The following COL4A4 variants were observed in gnomAD, a reference collection of about 807,000 sequenced individuals.
The protein encoded by COL4A4 is collagen type IV alpha 4 chain, also known as collagen alpha-4(IV) chain.
In COL4A4, 105 loss-of-function variants were observed where a neutral mutation model predicts 192.9. The ratio of observed to expected loss-of-function variants is 0.54; its 90% CI spans 0.46 to 0.64. The LOEUF (loss-of-function observed/expected upper bound fraction) is 0.64, where lower values mean the gene tolerates loss of function less well. COL4A4 is among the 30% of genes least tolerant of loss of function. The pLI is 0.00. For missense variants in COL4A4, 1,967 were observed against 2,169.3 expected, an observed-to-expected ratio of 0.91 and a Z score of 1.85; for synonymous variants, 762 against 769.9, an observed-to-expected ratio of 0.99 and a Z score of 0.17.
chr2:227,106,891 T>A (rs2150847014), intron 12 of COL4A4, among the ~76,000 whole-genome samples: 1 of 152,358 alleles, frequency 6.6e-6, no homozygotes, highest in East Asian at 1.9e-4. Flanking sequence ...ATGTGTTCAT[T>A]CACCTGACAA....
At chr2:227,095,906 A>G (rs1472322364) in intron 19 of COL4A4, among the ~76,000 whole-genome samples, 1 of 152,086 alleles carries the variant, frequency 6.6e-6, no homozygotes, top group Non-Finnish European at 1.5e-5. Flanking sequence ...TCCATCTCAA[A>G]AAGAAACAAA....
At chr2:227,084,824 CCAG>C (rs1323006767) in intron 22 of COL4A4, among the ~76,000 whole-genome samples, 2 of 152,032 alleles carry the variant, frequency 1.3e-5, no homozygotes, top group Non-Finnish European at 2.9e-5. Flanking sequence ...CAACGGAAGC[CCAG>C]CAGCAACAAA....
chr2:227,036,732 C>T (rs1024728212), intron 37 of COL4A4, among the ~76,000 whole-genome samples: 2 of 151,948 alleles, frequency 1.3e-5, no homozygotes, highest in Non-Finnish European at 2.9e-5. Flanking sequence ...CCTGACTTGA[C>T]AGAACAAACA....
chr2:227,129,367 G>C (rs898156052), intron 4 of COL4A4, among the ~76,000 whole-genome samples: 8 of 151,124 alleles, frequency 5.3e-5, no homozygotes, highest in Non-Finnish European at 2.9e-5. Context: ...CCTTGTGCAT[G>C]CTACTTTGCT....
intron 3 of COL4A4, among the ~76,000 whole-genome samples, chr2:227,143,741 T>C (rs2063370818): frequency 6.6e-6 from 1 of 152,208 alleles, no homozygotes; most frequent in Non-Finnish European, 1.5e-5. Flanking sequence ...TACTCTCAAA[T>C]GCATGTCAAC....
At chr2:227,044,666 G>A (rs778655223) in intron 35 of COL4A4, among the ~76,000 whole-genome samples, 9 of 151,940 alleles carry the variant, frequency 5.9e-5, no homozygotes, top group Non-Finnish European at 8.8e-5. Context: ...GTTAAGAACA[G>A]AACTTCTGAG....
At chr2:227,108,807 G>T (rs758395764) in intron 11 of COL4A4, 26 bp downstream of exon 11, 2 of 1,608,938 alleles carry the variant, frequency 1.2e-6, no homozygotes, top group South Asian at 2.2e-5. Flanking sequence ...GGGCTCTATT[G>T]ATGTATCTTG....
At chr2:227,065,201 A>T (rs1451819333) in intron 25 of COL4A4, among the ~76,000 whole-genome samples, 1 of 152,254 alleles carries the variant, frequency 6.6e-6, no homozygotes, top group Non-Finnish European at 1.5e-5. Flanking sequence ...ACGGCGCACC[A>T]GGAGATCACA....
At chr2:226,968,457 C>A in the COL4A4 span, among the ~76,000 whole-genome samples, 1 of 152,242 alleles carries the variant, frequency 6.6e-6, no homozygotes, top group East Asian at 1.9e-4. Context: ...GCCTTTTAAC[C>A]GATTGAATCA....
chr2:227,027,908 G>A lies in COL4A4; in HGVS notation c.4075C>T (p.Leu1359Phe). 1 of 1,610,056 alleles carries A rather than the reference G, an allele frequency of 6.2e-7. No individual in the cohort carries two copies. Among genetic ancestry groups the A allele is most frequent in the Non-Finnish European group, 8.5e-7 (1 of 1,176,430 alleles). Reference protein sequence around the residue: ...GPPGRKGPTGLPGPRGEPGPP... With the variant: ...GPPGRKGPTGFPGPRGEPGPP... ...ATGTAGGTTGGAAGCTCACCCGGAA[G>A]ACCAGTGGGCCCTTTTCTCCCTGGA... The change falls in exon 42 of 48, where the codon CTT (leucine) becomes TTT (phenylalanine). Residue 1359 changes from leucine (L) to phenylalanine (F), a missense_variant. Transcript: ENST00000396625.
At chr2:227,001,093 CTTT>C (rs776966537), downstream of COL4A4, among the ~76,000 whole-genome samples, 1 of 150,078 alleles carries the variant, frequency 6.7e-6, no homozygotes, top group Non-Finnish European at 1.5e-5. Context: ...CATTTCTTTT[CTTT>C]TTTCTTTTTT....
intron 4 of COL4A4, among the ~76,000 whole-genome samples, chr2:227,135,703 C>T (rs1290227355): frequency 6.6e-6 from 1 of 151,956 alleles, no homozygotes; most frequent in African/African-American, 2.4e-5. Flanking sequence ...AGTGCCATGG[C>T]GAAATCTCAG....
chr2:226,976,931 A>G, the COL4A4 span, among the ~76,000 whole-genome samples: 1 of 152,146 alleles, frequency 6.6e-6, no homozygotes, highest in Non-Finnish European at 1.5e-5. Flanking sequence ...TGAAAGAGCC[A>G]TTATCTATTT....
At chr2:227,098,507 G>A (rs1195571940) in intron 19 of COL4A4, among the ~76,000 whole-genome samples, 187 bp downstream of exon 19, 1 of 152,196 alleles carries the variant, frequency 6.6e-6, no homozygotes, top group African/African-American at 2.4e-5. Context: ...CGCTTCTACA[G>A]TATCAGATCC....
At position 227,023,798 on chromosome 2, in the gene COL4A4, G is replaced by A. The variant is rs1055435607; in HGVS notation, c.4091-1625C>T. Among the ~76,000 whole-genome samples the A allele has an allele frequency of 2.6e-5, 4 of 152,260 alleles. No individual in the cohort carries two copies. In the East Asian group the frequency reaches 5.8e-4, roughly 22 times the overall value. ...GGAGGCCAAGATGGACAGATCACGA[G>A]GTCAAGAGATTGAGACCATCCTAGC... On this transcript the variant is annotated intron_variant, in intron 43 of 47. Coordinates refer to ENST00000396625, the MANE Select transcript of COL4A4 (RefSeq NM_000092.5).
At chr2:226,971,362 C>T in the COL4A4 span, among the ~76,000 whole-genome samples, 2 of 152,154 alleles carry the variant, frequency 1.3e-5, no homozygotes, top group Non-Finnish European at 2.9e-5. Flanking sequence ...ACGTCTGAAC[C>T]CTTAGCGGGC....
chr2:226,987,304 G>A, the COL4A4 span, among the ~76,000 whole-genome samples: 1 of 151,988 alleles, frequency 6.6e-6, no homozygotes, highest in Non-Finnish European at 1.5e-5. Context: ...TAACAAACCT[G>A]CATGTTCTGC....
intron 44 of COL4A4, among the ~76,000 whole-genome samples, chr2:227,016,518 G>A (rs1036177693): frequency 1.3e-5 from 2 of 152,212 alleles, no homozygotes; most frequent in African/African-American, 4.8e-5. Context: ...CTATGCTGCA[G>A]CAACAGGGTT....
rs186572609 is a variant in COL4A4, at chr2:227,103,005, G to A, written c.870+139C>T. ...ACTACTTTAGAATAGAAGCTCTATA[G>A]TATTATGATAAGATAGTGAAAAATT... On this transcript the variant is annotated intron_variant, in intron 14 of 47. Transcript: ENST00000396625. 2.0e-5 allele frequency: 21 copies of A among 1,045,550 alleles called. No individual in the cohort carries two copies. In the Admixed American group the frequency reaches 4.0e-4, roughly 20 times the overall value. 64.8% of individuals were successfully genotyped at this position (1,045,550 alleles called of 1,614,324 possible).
Sources: allele counts gnomAD v4.1 joint callset (sites outside exome capture counted in the v4.1 genomes callset), GRCh38; gene constraint gnomAD v4.1.1; transcripts MANE v1.5; gene names NCBI Gene and HGNC (gene_info 2026-07-23, HGNC 2026-07-21).